Variants in ZNF33B observed in about 807,000 individuals in gnomAD.
The protein encoded by ZNF33B is zinc finger protein 33B.
In ZNF33B, 29 loss-of-function variants were observed where a neutral mutation model predicts 45.8. The ratio of observed to expected loss-of-function variants is 0.63; its 90% CI spans 0.47 to 0.86. The LOEUF (loss-of-function observed/expected upper bound fraction) is 0.86, where lower values mean the gene tolerates loss of function less well. Among genes scored for constraint, ZNF33B ranks in the 40% least tolerant of loss-of-function variants. ZNF33B has a pLI of 0.00. For missense variants in ZNF33B, 831 were observed against 909.9 expected (o/e 0.91, Z 1.12); for synonymous variants, 305 against 307.8 (o/e 0.99, Z 0.10).
Position 42,593,300 on chromosome 10 carries a change from C to T in ZNF33B, c.1650G>A (p.Glu550=). Reference sequence around the variant, plus strand: ...CACATTCAGGACATGCAAAGGGTTTCTCCCCTGTGTGCGTTCTCTGATGTA... The same window carrying T: ...CACATTCAGGACATGCAAAGGGTTTTTCCCCTGTGTGCGTTCTCTGATGTA... ...LTIHQRTHTG[E]KPFACPECGK... The change falls in exon 5 of 5, where the codon GAG becomes GAA. Residue 550 remains glutamate (E), a synonymous_variant. Coordinates refer to ENST00000359467, the MANE Select transcript of ZNF33B (RefSeq NM_006955.3). The T allele has an allele frequency of 1.9e-6, 3 of 1,614,004 alleles. No homozygotes were observed. Among genetic ancestry groups the T allele is most frequent in the Non-Finnish European group, 2.5e-6 (3 of 1,179,962 alleles).
chr10:42,631,961 A>T lies in ZNF33B; in HGVS notation c.218T>A (p.Leu73Gln). Residue 73 changes from leucine (L) to glutamine (Q), a missense_variant, in exon 4 of 5, where the codon CTG (leucine) becomes CAG (glutamine). Coordinates refer to ENST00000359467, the MANE Select transcript of ZNF33B (RefSeq NM_006955.3). Reference sequence around the variant, plus strand: ...GCTCTGGCTTGGGAATTCTTCCTCCAGTCTCCATGGTTCTTCTCCTTGTTC... The same window carrying T: ...GCTCTGGCTTGGGAATTCTTCCTCCTGTCTCCATGGTTCTTCTCCTTGTTC... ...RLEQGEEPWR[L>Q]EEEFPSQSFP... The T allele has an allele frequency of 6.2e-7, 1 of 1,614,138 alleles. No homozygotes were observed. Among genetic ancestry groups the T allele is most frequent in the Non-Finnish European group, 8.5e-7 (1 of 1,180,018 alleles).
chr10:42,617,503 A>G, intron 4 of ZNF33B, among the ~76,000 whole-genome samples: 1 of 152,232 alleles, frequency 6.6e-6, no homozygotes, highest in East Asian at 1.9e-4. Context: ...TTGCAGAACT[A>G]CAGTCCAATA....
At chr10:42,604,192 C>T (rs1310144933) in intron 4 of ZNF33B, among the ~76,000 whole-genome samples, 1 of 152,178 alleles carries the variant, frequency 6.6e-6, no homozygotes, top group Non-Finnish European at 1.5e-5. Flanking sequence ...CGCCTGTAAT[C>T]CCAATACTTT....
At chr10:42,585,191 C>T (rs1430432118), downstream of ZNF33B, among the ~76,000 whole-genome samples, 1 of 152,182 alleles carries the variant, frequency 6.6e-6, no homozygotes, top group South Asian at 2.1e-4. Context: ...TCATGGCCTA[C>T]GTGATTGTTT....
chr10:42,576,517 G>A (rs1243424014), intron 1 of ZNF33B, among the ~76,000 whole-genome samples: 1 of 152,014 alleles, frequency 6.6e-6, no homozygotes, highest in Non-Finnish European at 1.5e-5. Context: ...TTTGCAGGAG[G>A]GAGACTAGAC....
chr10:42,612,582 A>T (rs750851756), intron 4 of ZNF33B, among the ~76,000 whole-genome samples: 1 of 152,166 alleles, frequency 6.6e-6, no homozygotes. Flanking sequence ...TGGTCATGGC[A>T]TCTAATTATT....
chr10:42,615,252 T>C (rs962071058), intron 4 of ZNF33B, among the ~76,000 whole-genome samples: 1 of 152,172 alleles, frequency 6.6e-6, no homozygotes, highest in African/African-American at 2.4e-5. Context: ...TACATGTCCA[T>C]GTGAAAACTT....
intron 4 of ZNF33B, among the ~76,000 whole-genome samples, chr10:42,604,745 G>A (rs1356376962): frequency 1.3e-5 from 2 of 151,504 alleles, no homozygotes; most frequent in African/African-American, 2.4e-5. Context: ...GAAACCCCGG[G>A]GTCTCTACTA....
In ZNF33B at chr10:42,592,833, G is replaced by A; in HGVS notation, c.2117C>T (p.Ser706Leu). 1 of 1,614,118 alleles carries A rather than the reference G, an allele frequency of 6.2e-7. No homozygotes were observed. ...NECGKSFSHK[S>L]SLTVHHRAHT... ...AGCCCTGTGATGTACTGTGAGTGAT[G>A]ATTTGTGACTGAAGGATTTCCCACA... Residue 706 changes from serine to leucine, a missense_variant, in exon 5 of 5, where the codon TCA (serine) becomes TTA (leucine). By Grantham distance (145) the Ser-to-Leu change is moderately radical (BLOSUM62 -2). Transcript: ENST00000359467.
At chr10:42,631,464 G>A (rs1015618237) in intron 4 of ZNF33B, among the ~76,000 whole-genome samples, 24 of 152,256 alleles carry the variant, frequency 1.6e-4, no homozygotes, top group African/African-American at 5.5e-4. Flanking sequence ...CTCGACCTGT[G>A]CTGGGATTAC....
intron 4 of ZNF33B, among the ~76,000 whole-genome samples, chr10:42,625,080 T>C (rs957593913): frequency 1.3e-5 from 2 of 151,180 alleles, no homozygotes; most frequent in Non-Finnish European, 2.9e-5. Context: ...TGACCATTTA[T>C]GGAAATTTTG....
chr10:42,624,537 A>G (rs1838720009), intron 4 of ZNF33B, among the ~76,000 whole-genome samples: 1 of 152,230 alleles, frequency 6.6e-6, no homozygotes, highest in African/African-American at 2.4e-5. Flanking sequence ...CTAAATATAC[A>G]AACCTAAGAT....
intron 4 of ZNF33B, among the ~76,000 whole-genome samples, chr10:42,599,621 C>T (rs1837541917): frequency 6.6e-6 from 1 of 151,940 alleles, no homozygotes; most frequent in African/African-American, 2.4e-5. Flanking sequence ...GTGGAAACTT[C>T]ATATATGCAT....
At chr10:42,581,742 C>T (rs1258493250) in intron 1 of ZNF33B, 1 of 152,188 alleles carries the variant, frequency 6.6e-6, no homozygotes, top group Non-Finnish European at 1.5e-5. Flanking sequence ...AGCAGGTCAA[C>T]AGGTATTGCT....
At chr10:42,595,360 G>A (rs1837354192) in intron 4 of ZNF33B, among the ~76,000 whole-genome samples, 2 of 152,212 alleles carry the variant, frequency 1.3e-5, no homozygotes, top group African/African-American at 4.8e-5. Context: ...AAGAGACTTG[G>A]ATTGTATGTA....
intron 4 of ZNF33B, among the ~76,000 whole-genome samples, chr10:42,625,231 T>A (rs2132139950): frequency 6.6e-6 from 1 of 152,222 alleles, no homozygotes; most frequent in South Asian, 2.1e-4. Context: ...TATCTTCATT[T>A]ATTTCAGTGT....
chr10:42,592,757 G>A lies in ZNF33B; in HGVS notation c.2193C>T (p.Tyr731=), dbSNP rs866841848. 1.2e-6 allele frequency: 2 copies of A among 1,614,058 alleles called. No individual in the cohort carries two copies. The highest frequency in any genetic ancestry group is 1.7e-6 in the Non-Finnish European group (2 of 1,179,980). ...CQCNECGKIF[Y]RKSDLAKHQR... Reference sequence around the variant, plus strand: ...GATGTTTAGCAAGGTCTGATTTACGGTAAAAGATTTTTCCACATTCATTAC... The same window carrying A: ...GATGTTTAGCAAGGTCTGATTTACGATAAAAGATTTTTCCACATTCATTAC... The change falls in exon 5 of 5, where the codon TAC becomes TAT. Residue 731 remains tyrosine, a synonymous_variant. Transcript: ENST00000359467.
rs769573240 is a variant in ZNF33B, at chr10:42,593,428, G to A, written c.1522C>T (p.His508Tyr). The change falls in exon 5 of 5, where the codon CAC (histidine) becomes TAC (tyrosine). Residue 508 changes from histidine to tyrosine, a missense_variant. Coordinates refer to ENST00000359467, the MANE Select transcript of ZNF33B (RefSeq NM_006955.3). ...ECNACGKTFY[H>Y]KSVLTRHQII... ...TGATGCCTGGTGAGTACTGACTTGT[G>A]GTAGAAAGTTTTCCCACATGCATTA... The A allele has an allele frequency of 9.3e-6, 15 of 1,613,964 alleles. No homozygotes were observed. Among genetic ancestry groups the A allele is most frequent in the Middle Eastern group, 3.3e-4 (2 of 6,060 alleles).
intron 4 of ZNF33B, among the ~76,000 whole-genome samples, chr10:42,611,350 A>G (rs1838089627): frequency 6.6e-6 from 1 of 152,132 alleles, no homozygotes. Context: ...CAAAAAAAAA[A>G]GAGAAAAAAG....
Sources: allele counts gnomAD v4.1 joint callset (sites outside exome capture counted in the v4.1 genomes callset), GRCh38; gene constraint gnomAD v4.1.1; transcripts MANE v1.5; gene names NCBI Gene and HGNC (gene_info 2026-07-23, HGNC 2026-07-21).